Variants in NATD1 observed in about 807,000 individuals in gnomAD.
The protein encoded by NATD1 is N-acetyltransferase domain containing 1.
In NATD1, 9 loss-of-function variants were observed where a neutral mutation model predicts 12.0. The ratio of observed to expected loss-of-function variants is 0.75; its 90% confidence interval spans 0.45 to 1.30. The LOEUF (loss-of-function observed/expected upper bound fraction) is 1.30, where lower values mean the gene tolerates loss of function less well. Ranked by LOEUF, NATD1 falls within the 50% of genes most tolerant of loss-of-function variation. The pLI is 0.00. For synonymous variants in NATD1, 71 were observed against 65.9 expected (o/e 1.08, Z -0.37); for missense variants, 148 against 148.5 (o/e 1.00, Z 0.02).
In NATD1 at chr17:21,240,083, G is replaced by A. The variant is rs1242217420; in HGVS notation, c.*3230C>T. ...TTATGGCACAGCGGATCTCATGCAT[G>A]GCATCACTGCCCCTTCCCTAGGAGA... On this transcript the variant is annotated 3_prime_UTR_variant, in exon 3 of 3. Coordinates refer to ENST00000611551, the MANE Select transcript of NATD1 (RefSeq NM_152914.3). The A allele has an allele frequency of 6.6e-6, 1 of 152,308 alleles. No homozygotes were observed. Among genetic ancestry groups the A allele is most frequent in the Non-Finnish European group, 1.5e-5 (1 of 68,082 alleles). 9.4% of individuals were successfully genotyped at this position (152,308 alleles called of 1,614,324 possible). A position where few individuals can be genotyped will look rare whatever the true frequency, so the allele number is the denominator to read the frequency against.
intron 1 of NATD1, among the ~76,000 whole-genome samples, chr17:21,252,566 A>C (rs937118689): frequency 7.2e-5 from 11 of 152,174 alleles, no homozygotes; most frequent in Non-Finnish European, 1.5e-4. Flanking sequence ...AAGTCTTGAT[A>C]GTGATAGCCA....
chr17:21,243,249 G>T lies in NATD1; in HGVS notation c.*64C>A. The T allele has an allele frequency of 7.4e-7, 1 of 1,345,016 alleles. No homozygotes were observed. Among genetic ancestry groups the T allele is most frequent in the Non-Finnish European group, 1.0e-6 (1 of 960,582 alleles). 83.3% of individuals were successfully genotyped at this position (1,345,016 alleles called of 1,614,324 possible). A position where few individuals can be genotyped will look rare whatever the true frequency, so the allele number is the denominator to read the frequency against. ...AGTGGGACCAGGTTCCTGAGAGCAC[G>T]TGGGGCCAGGCAAAGGCCACGTGGA... On this transcript the variant is annotated 3_prime_UTR_variant, in exon 3 of 3. Transcript: ENST00000611551.
In NATD1 at chr17:21,243,085, G is replaced by A; in HGVS notation, c.*228C>T. ...CCACGAAGCCGCTGGTCTCTGCAGA[G>A]TGAGAGGTGCCGGGACTACCTGGCC... On this transcript the variant is annotated 3_prime_UTR_variant, in exon 3 of 3. Coordinates refer to ENST00000611551, the MANE Select transcript of NATD1 (RefSeq NM_152914.3). 4.0e-6 allele frequency: 2 copies of A among 502,080 alleles called. No homozygotes were observed. The highest frequency in any genetic ancestry group is 3.6e-6 in the Non-Finnish European group (1 of 276,112). 31.1% of individuals were successfully genotyped at this position (502,080 alleles called of 1,614,324 possible).
intron 1 of NATD1, among the ~76,000 whole-genome samples, chr17:21,251,144 A>T (rs2144369540): frequency 6.6e-6 from 1 of 152,094 alleles, no homozygotes; most frequent in South Asian, 2.1e-4. Flanking sequence ...GGCTGGGGAG[A>T]TGCCCAGCCA....
At position 21,253,213 on chromosome 17, in the gene NATD1, G is replaced by T. The variant is rs1384533013; in HGVS notation, c.52C>A (p.Pro18Thr). ...VPLGALEQGC[P>T]IRVEHDRRRR... ...CGGCGGTCGTGCTCCACGCGGATGG[G>T]GCAGCCCTGCTCCAGCGCGCCCAGC... Residue 18 changes from proline to threonine, a missense_variant, in exon 1 of 3, where the codon CCC becomes ACC. Physicochemically the swap from Pro to Thr is conservative, Grantham distance 38. Transcript: ENST00000611551. The T allele has an allele frequency of 9.9e-7, 1 of 1,008,488 alleles. No individual in the cohort carries two copies. The highest frequency in any genetic ancestry group is 1.2e-6 in the Non-Finnish European group (1 of 846,518). 62.5% of individuals were successfully genotyped at this position (1,008,488 alleles called of 1,614,324 possible).
At position 21,243,418 on chromosome 17, in the gene NATD1, G is replaced by C; in HGVS notation, c.237C>G (p.Asp79Glu). The change falls in exon 3 of 3, where the codon GAC becomes GAG. Residue 79 changes from aspartate (D) to glutamate (E), a missense_variant. Physicochemically the swap from Asp to Glu is conservative, Grantham distance 45. Transcript: ENST00000611551. ...IAKHLAKAAL[D>E]FVVEEDLKAH... ...CCTTCAGGTCCTCCTCCACCACGAA[G>C]TCCAGGGCGGCCTGGGAGCCGGGCA... 2.5e-6 allele frequency: 4 copies of C among 1,612,796 alleles called. No homozygotes were observed. The highest frequency in any genetic ancestry group is 3.4e-6 in the Non-Finnish European group (4 of 1,179,896).
intron 1 of NATD1, among the ~76,000 whole-genome samples, chr17:21,247,441 C>T (rs1975335556): frequency 6.6e-6 from 1 of 152,210 alleles, no homozygotes; most frequent in South Asian, 2.1e-4. Flanking sequence ...CAGCACAGGG[C>T]AGGCTCGTGC....
intron 1 of NATD1, among the ~76,000 whole-genome samples, chr17:21,247,467 C>A (rs1975335821): frequency 6.6e-6 from 1 of 152,196 alleles, no homozygotes; most frequent in East Asian, 1.9e-4. Flanking sequence ...TCTCTCCACA[C>A]AACGATCCTC....
In NATD1 at chr17:21,243,223, C is replaced by T. The variant is rs1975293224; in HGVS notation, c.*90G>A. ...ACAAAAATAACTCTGAGTCTGTTCCCAGTGGGACCAGGTTCCTGAGAGCAC... is the reference window on the plus strand; with the variant it reads ...ACAAAAATAACTCTGAGTCTGTTCCTAGTGGGACCAGGTTCCTGAGAGCAC... On this transcript the variant is annotated 3_prime_UTR_variant, in exon 3 of 3. Coordinates refer to ENST00000611551, the MANE Select transcript of NATD1 (RefSeq NM_152914.3). 1 of 968,152 alleles carries T rather than the reference C, an allele frequency of 1.0e-6. No homozygotes were observed. Among genetic ancestry groups the T allele is most frequent in the Non-Finnish European group, 1.6e-6 (1 of 635,412 alleles). The allele number at this position is 968,152 out of a possible 1,614,324, so 60.0% of individuals were successfully genotyped here. A position where few individuals can be genotyped will look rare whatever the true frequency, so the allele number is the denominator to read the frequency against.
intron 1 of NATD1, among the ~76,000 whole-genome samples, chr17:21,249,760 C>T (rs545900948): frequency 1.3e-5 from 2 of 152,316 alleles, no homozygotes; most frequent in East Asian, 3.9e-4. Context: ...GGGTCTCTTC[C>T]AGCTGCCTCC....
chr17:21,250,859 G>A (rs1359898111), intron 1 of NATD1, among the ~76,000 whole-genome samples: 1 of 152,208 alleles, frequency 6.6e-6, no homozygotes, highest in African/African-American at 2.4e-5. Context: ...CCAGGAGCCT[G>A]GGGCTACCTG....
rs1975257707 is a variant in NATD1 at position 21,240,435 on chromosome 17, GCGA to G, written c.*2875_*2877del. ...TGACCGGCAGGTTGCTGTGGGGGAA[GCGA>G]CAGCGTGCAGACAGCACTGCATGCC... On this transcript the variant is annotated 3_prime_UTR_variant, in exon 3 of 3. Coordinates refer to ENST00000611551, the MANE Select transcript of NATD1 (RefSeq NM_152914.3). 1 of 152,502 alleles carries G rather than the reference GCGA, an allele frequency of 6.6e-6. No individual in the cohort carries two copies. The allele number at this position is 152,502 out of a possible 1,614,324, so 9.4% of individuals were successfully genotyped here.
intron 1 of NATD1, among the ~76,000 whole-genome samples, chr17:21,251,293 G>GAAA (rs923554742): frequency 1.6e-4 from 14 of 85,532 alleles, no homozygotes; most frequent in African/African-American, 3.4e-4. Flanking sequence ...GAAAGAAAAA[G>GAAA]AAAAAAAAAA....
At position 21,247,512 on chromosome 17, in the gene NATD1, C is replaced by T. The variant is rs149974595; in HGVS notation, c.107-3288G>A. On this transcript the variant is annotated intron_variant, in intron 1 of 2. Transcript: ENST00000611551. ...CCACTAAACACGATTCTCACAGCCC[C>T]ATGTACAGATGGGGAAACCGAGGCC... Among the ~76,000 whole-genome samples the T allele has an allele frequency of 2.0e-4, 31 of 152,348 alleles. No individual in the cohort carries two copies. In the East Asian group the frequency reaches 5.0e-3, roughly 25 times the overall value.
intron 1 of NATD1, among the ~76,000 whole-genome samples, chr17:21,248,983 G>A (rs1028573086): frequency 1.3e-5 from 2 of 152,062 alleles, no homozygotes; most frequent in African/African-American, 2.4e-5. Context: ...TACACTGCTC[G>A]TGGGGGACCC....
At position 21,243,691 on chromosome 17, in the gene NATD1, C is replaced by T. The variant is rs535623895; in HGVS notation, c.226-262G>A. ...AAAGGTTGCCCTGCAATTCTCCTGG[C>T]GGGGTGGGGGTGGAGGAGGGGAAGC... On this transcript the variant is annotated intron_variant, in intron 2 of 2. Transcript: ENST00000611551. 1.2e-4 allele frequency among the ~76,000 whole-genome samples: 19 copies of T among 152,062 alleles called. No homozygotes were observed. The East Asian group carries it at 2.1e-3, about 17-fold the overall frequency.
Position 21,243,372 on chromosome 17 carries a change from T to A in NATD1, c.283A>T (p.Ile95Phe). The A allele has an allele frequency of 6.2e-7, 1 of 1,613,584 alleles. No individual in the cohort carries two copies. Among genetic ancestry groups the A allele is most frequent in the Non-Finnish European group, 8.5e-7 (1 of 1,179,978 alleles). The change falls in exon 3 of 3, where the codon ATC (isoleucine) becomes TTC (phenylalanine). Residue 95 changes from isoleucine (I) to phenylalanine (F), a missense_variant. Coordinates refer to ENST00000611551, the MANE Select transcript of NATD1 (RefSeq NM_152914.3). ...GGGTTCTCCTTGACGTACTTCTGGA[T>A]GTACCAGCAGGTGAGATGGGCCTTC... is the stretch of plus-strand genomic sequence containing the variant. ...DLKAHLTCWY[I>F]QKYVKENPLP...
chr17:21,252,313 A>G (rs932676147), intron 1 of NATD1, among the ~76,000 whole-genome samples: 8 of 152,168 alleles, frequency 5.3e-5, no homozygotes, highest in African/African-American at 9.7e-5. Flanking sequence ...CCATCTCAAA[A>G]AACAAAAACT....
rs1975293838 is a variant in NATD1, at chr17:21,243,258, G to C, written c.*55C>G. 3 of 1,480,518 alleles carry C rather than the reference G, an allele frequency of 2.0e-6. No homozygotes were observed. Among genetic ancestry groups the C allele is most frequent in the Non-Finnish European group, 1.9e-6 (2 of 1,077,668 alleles). The allele number at this position is 1,480,518 out of a possible 1,614,324, so 91.7% of individuals were successfully genotyped here. On this transcript the variant is annotated 3_prime_UTR_variant, in exon 3 of 3. Transcript: ENST00000611551. The stretch of plus-strand genomic sequence containing the variant: ...AGGTTCCTGAGAGCACGTGGGGCCA[G>C]GCAAAGGCCACGTGGAAGAGTCCGG...
Sources: gnomAD v4.1 joint callset for allele counts (sites outside exome capture counted in the v4.1 genomes callset) on GRCh38, gnomAD v4.1.1 for gene constraint, MANE v1.5 for transcripts, NCBI Gene and HGNC (gene_info 2026-07-23, HGNC 2026-07-21) for gene names.